ROS1: variants seen among roughly 807,000 people sequenced by gnomAD.
The protein encoded by ROS1 is ROS proto-oncogene 1, receptor tyrosine kinase.
A neutral mutation model predicts 273.5 loss-of-function variants in ROS1; 263 were observed. The ratio of observed to expected loss-of-function variants is 0.96; its 90% CI spans 0.87 to 1.06. The LOEUF is 1.06. Among genes scored for constraint, ROS1 ranks in the 50% least tolerant of loss-of-function variants. The probability of loss-of-function intolerance (pLI) is 0.00; values close to 1 mark genes in which losing one functional copy is unlikely to be tolerated. For missense variants in ROS1, 2,833 were observed against 2,751.1 expected (o/e 1.03, Z -0.67); for synonymous variants, 1,008 against 954.1 (o/e 1.06, Z -1.04).
At chr6:117,338,630 A>T (rs911741231) in intron 31 of ROS1, among the ~76,000 whole-genome samples, 4 of 152,120 alleles carry the variant, frequency 2.6e-5, no homozygotes, top group Non-Finnish European at 5.9e-5. Flanking sequence ...GTAACCCAAC[A>T]TTCCAAACCA....
At position 117,325,381 on chromosome 6, in the gene ROS1, T is replaced by C. The variant is rs181298279; in HGVS notation, c.5539+843A>G. Reference sequence around the variant, plus strand: ...GGCAAACACAGGGCCAAAGACTAAGTGACATAAAAACTTTTTACTGGTCTG... The same window carrying C: ...GGCAAACACAGGGCCAAAGACTAAGCGACATAAAAACTTTTTACTGGTCTG... On this transcript the variant is annotated intron_variant, in intron 34 of 43. Transcript: ENST00000368507. Among the ~76,000 whole-genome samples the C allele has an allele frequency of 2.8e-3, 427 of 152,248 alleles. 1 individual carries two copies. The highest frequency in any genetic ancestry group is 9.3e-3 in the African/African-American group (387 of 41,546).
chr6:117,359,882 T>C lies in ROS1; in HGVS notation c.3560A>G (p.Asp1187Gly), dbSNP rs1440151759. ...RVISAVCYTA[D>G]NEMGYYAEGD... is the part of the protein sequence containing the mutation. ...TTCAGCATAATATCCCATCTCATTATCAGCTGTGTAGCAAACGGCACTGAT... is the reference window on the plus strand; with the variant it reads ...TTCAGCATAATATCCCATCTCATTACCAGCTGTGTAGCAAACGGCACTGAT... Residue 1187 changes from aspartate to glycine, a missense_variant, in exon 24 of 44, where the codon GAT becomes GGT. Asp to Gly is a moderately conservative substitution (Grantham distance 94). Coordinates refer to ENST00000368507, the MANE Select transcript of ROS1 (RefSeq NM_001378902.1). The C allele has an allele frequency of 6.2e-7, 1 of 1,613,982 alleles. No homozygotes were observed. Among genetic ancestry groups the C allele is most frequent in the Non-Finnish European group, 8.5e-7 (1 of 1,179,912 alleles).
intron 27 of ROS1, among the ~76,000 whole-genome samples, chr6:117,351,871 A>G (rs1292504838): frequency 2.0e-5 from 3 of 152,208 alleles, no homozygotes; most frequent in South Asian, 2.1e-4. Context: ...TGAAAAATAA[A>G]TTATTTTACA....
chr6:117,329,232 A>T lies in ROS1; in HGVS notation c.5348+97T>A, dbSNP rs984745607. The T allele has an allele frequency of 2.8e-5, 19 of 672,130 alleles. No homozygotes were observed. The African/African-American group carries it at 3.2e-4, about 11-fold the overall frequency. The allele number at this position is 672,130 out of a possible 1,614,324, so 41.6% of individuals were successfully genotyped here. A position where few individuals can be genotyped will look rare whatever the true frequency, so the allele number is the denominator to read the frequency against. On this transcript the variant is annotated intron_variant, in intron 33 of 43. Coordinates refer to ENST00000368507, the MANE Select transcript of ROS1 (RefSeq NM_001378902.1). ...TTTAACTAAAGATCTTTGTGTTTGT[A>T]TATAAATACATTTGCATAAATAGTG...
At chr6:117,327,053 C>T (rs964718964) in intron 33 of ROS1, among the ~76,000 whole-genome samples, 6 of 152,174 alleles carry the variant, frequency 3.9e-5, no homozygotes, top group African/African-American at 1.2e-4. Flanking sequence ...TCAAGGTCTT[C>T]CATTATGTCT....
At chr6:117,338,943 T>A (rs1451265174) in intron 31 of ROS1, among the ~76,000 whole-genome samples, 1 of 152,134 alleles carries the variant, frequency 6.6e-6, no homozygotes, top group African/African-American at 2.4e-5. Context: ...ATGGTTCTGC[T>A]AGGGATTTGC....
In ROS1 at chr6:117,301,071, C is replaced by T. The variant is rs1774684203; in HGVS notation, c.6618G>A (p.Gln2206=). 1 of 1,605,388 alleles carries T rather than the reference C, an allele frequency of 6.2e-7. No homozygotes were observed. The highest frequency in any genetic ancestry group is 1.7e-4 in the Middle Eastern group (1 of 6,054). The part of the protein sequence containing the change: ...PDQRPTFHRI[Q]DQLQLFRNFF... Reference sequence around the variant, plus strand: ...AATTTCTGAATAACTGAAGTTGGTCCTGAATTCTATGAAAAGTAGGTCTTT... The same window carrying T: ...AATTTCTGAATAACTGAAGTTGGTCTTGAATTCTATGAAAAGTAGGTCTTT... The change falls in exon 43 of 44, where the codon CAG becomes CAA. Residue 2206 remains glutamine (Q), a synonymous_variant. Transcript: ENST00000368507.
At chr6:117,415,417 A>G (rs1004939087) in intron 3 of ROS1, among the ~76,000 whole-genome samples, 1 of 152,234 alleles carries the variant, frequency 6.6e-6, no homozygotes, top group African/African-American at 2.4e-5. Flanking sequence ...AGAAAATGAC[A>G]TTAGGATTCC....
At chr6:117,343,084 TTG>T (rs1417812070) in intron 28 of ROS1, among the ~76,000 whole-genome samples, 1 of 146,828 alleles carries the variant, frequency 6.8e-6, no homozygotes, top group Non-Finnish European at 1.5e-5. Flanking sequence ...GCAGAGTGTT[TTG>T]TTTTTTTTTT....
intron 43 of ROS1, among the ~76,000 whole-genome samples, chr6:117,296,392 C>T (rs920559202): frequency 2.5e-5 from 3 of 121,624 alleles, no homozygotes; most frequent in African/African-American, 8.1e-5. Flanking sequence ...CAGAGTGAGA[C>T]TGTCTCAAAA....
In ROS1 at chr6:117,362,587, G is replaced by A; in HGVS notation, c.3366+16C>T. The A allele has an allele frequency of 6.2e-7, 1 of 1,607,410 alleles. No individual in the cohort carries two copies. Among genetic ancestry groups the A allele is most frequent in the Non-Finnish European group, 8.5e-7 (1 of 1,176,962 alleles). On this transcript the variant is annotated intron_variant, in intron 22 of 43. Coordinates refer to ENST00000368507, the MANE Select transcript of ROS1 (RefSeq NM_001378902.1). The stretch of plus-strand genomic sequence containing the variant: ...CGCTATTAAGACTCTCATATCTTCT[G>A]TTTTCTCTCTCATACCTGGAAGGCA...
In ROS1 at chr6:117,425,671, C is replaced by T; in HGVS notation, c.-15G>A. 3.1e-6 allele frequency: 5 copies of T among 1,609,408 alleles called. No homozygotes were observed. Among genetic ancestry groups the T allele is most frequent in the Non-Finnish European group, 4.2e-6 (5 of 1,178,254 alleles). ...ATGTTCTTCATCACTTCACCAATGGCAGATTTTTAGATGGCCGGTCTAATT... is the reference window on the plus strand; with the variant it reads ...ATGTTCTTCATCACTTCACCAATGGTAGATTTTTAGATGGCCGGTCTAATT... On this transcript the variant is annotated 5_prime_UTR_variant, in exon 1 of 44. Coordinates refer to ENST00000368507, the MANE Select transcript of ROS1 (RefSeq NM_001378902.1).
In ROS1 at chr6:117,425,597, T is replaced by C. The variant is rs1456735121; in HGVS notation, c.60A>G (p.Leu20=). The change falls in exon 1 of 44, where the codon CTA becomes CTG. Residue 20 remains leucine, a synonymous_variant. Coordinates refer to ENST00000368507, the MANE Select transcript of ROS1 (RefSeq NM_001378902.1). Reference sequence around the variant, plus strand: ...CTGTACACTGCACCACAGAAATCCATAGGCAGCCAAGAGTTGCAAAATTGA... The same window carrying C: ...CTGTACACTGCACCACAGAAATCCACAGGCAGCCAAGAGTTGCAAAATTGA... ...KLVNFATLGC[L]WISVVQCTVL... is the part of the protein sequence containing the mutation. 1.9e-6 allele frequency: 3 copies of C among 1,612,672 alleles called. No individual in the cohort carries two copies. The highest frequency in any genetic ancestry group is 2.2e-5 in the East Asian group (1 of 44,806).
rs929121 is a variant in ROS1 at position 117,288,224 on chromosome 6, T to C, written c.*268A>G. 0.68 allele frequency: 310,819 copies of C among 458,282 alleles called. 107,619 individuals carry two copies. The highest frequency in any genetic ancestry group is 0.74 in the Non-Finnish European group (190,168 of 258,640). 28.4% of individuals were successfully genotyped at this position (458,282 alleles called of 1,614,324 possible). ...CACCTCAAGGGAGAAGGGAGAGCAG[T>C]GTTTCCCTTCCAGACTTCTGAGTCT... On this transcript the variant is annotated 3_prime_UTR_variant, in exon 44 of 44. Transcript: ENST00000368507.
intron 39 of ROS1, among the ~76,000 whole-genome samples, chr6:117,315,073 C>T (rs1775820953): frequency 6.6e-6 from 1 of 152,056 alleles, no homozygotes; most frequent in Non-Finnish European, 1.5e-5. Context: ...TAAAATTTTG[C>T]ATCTATGAAC....
At chr6:117,411,580 G>A (rs534392818) in intron 4 of ROS1, among the ~76,000 whole-genome samples, 15 of 152,078 alleles carry the variant, frequency 9.9e-5, no homozygotes, top group Non-Finnish European at 1.9e-4. Flanking sequence ...ATCGTAGTCA[G>A]TCCATCTTTA....
At chr6:117,347,844 A>G (rs531160474) in intron 27 of ROS1, among the ~76,000 whole-genome samples, 23 of 152,078 alleles carry the variant, frequency 1.5e-4, no homozygotes, top group Non-Finnish European at 2.7e-4. Context: ...TTTCCTCTTT[A>G]GTCTGTTGAT....
intron 32 of ROS1, among the ~76,000 whole-genome samples, chr6:117,333,694 C>A (rs1043515354): frequency 3.3e-5 from 5 of 152,146 alleles, no homozygotes; most frequent in Non-Finnish European, 7.4e-5. Flanking sequence ...ATATGCAAAT[C>A]AATAAATGTA....
Position 117,359,964 on chromosome 6 carries a change from C to A in ROS1, c.3478G>T (p.Val1160Phe). ...TGATTTTGATCCATATCTAAAAAAA[C>A]TATCTTGTTACCAAGAAGAGTTATG... ...HLITLLGNKI[V>F]FLDMDQNQVV... The change falls in exon 24 of 44, where the codon GTT becomes TTT. Residue 1160 changes from valine to phenylalanine, a missense_variant. Val to Phe is a conservative substitution (Grantham distance 50). Coordinates refer to ENST00000368507, the MANE Select transcript of ROS1 (RefSeq NM_001378902.1). 6.2e-7 allele frequency: 1 copy of A among 1,613,856 alleles called. No individual in the cohort carries two copies. The highest frequency in any genetic ancestry group is 1.6e-4 in the Middle Eastern group (1 of 6,062).
Sources: gnomAD v4.1 joint callset for allele counts (sites outside exome capture counted in the v4.1 genomes callset) on GRCh38, gnomAD v4.1.1 for gene constraint, MANE v1.5 for transcripts, NCBI Gene and HGNC (gene_info 2026-07-23, HGNC 2026-07-21) for gene names.